DTNA: variants seen among roughly 807,000 people sequenced by gnomAD.
DTNA encodes the protein dystrophin-related protein 3.
A neutral mutation model predicts 100.7 loss-of-function variants in DTNA; 43 were observed. The observed-to-expected ratio is 0.43, with a 90% confidence interval of 0.33 to 0.55. DTNA has a LOEUF of 0.55. Among genes scored for constraint, DTNA ranks in the 20% least tolerant of loss-of-function variants. The pLI is 0.04. For missense variants in DTNA, 798 were observed against 953.9 expected (o/e 0.84, Z 2.15); for synonymous variants, 349 against 347.9 (o/e 1.00, Z -0.04).
At chr18:34,602,949 A>T (rs2052242271) in intron 1 of DTNA, among the ~76,000 whole-genome samples, 1 of 151,486 alleles carries the variant, frequency 6.6e-6, no homozygotes, top group Non-Finnish European at 1.5e-5. Flanking sequence ...GTTGCAGTGA[A>T]CCGAGATCAC....
rs1043904762 is a variant in DTNA, at chr18:34,529,259, T to A, written c.-2+35745T>A. ...GCTCTGCCTTTTATCCTAGTAAATA[T>A]CATGGTATAACTTATTTATTATTAG... On this transcript the variant is annotated intron_variant, in intron 1 of 19. Coordinates refer to the DTNA transcript ENST00000283365. 5.3e-5 allele frequency among the ~76,000 whole-genome samples: 8 copies of A among 152,136 alleles called. No homozygotes were observed. The South Asian group carries it at 1.7e-3, about 31-fold the overall frequency.
chr18:34,513,306 A>G (rs531400516), intron 1 of DTNA, among the ~76,000 whole-genome samples: 1 of 152,312 alleles, frequency 6.6e-6, no homozygotes, highest in East Asian at 1.9e-4. Flanking sequence ...TAAACTTGAC[A>G]TAGAATAGTT....
At chr18:34,674,356 C>A (rs1254179170) in intron 1 of DTNA, among the ~76,000 whole-genome samples, 1 of 152,192 alleles carries the variant, frequency 6.6e-6, no homozygotes, top group Admixed American at 6.5e-5. Flanking sequence ...GACCTTCCTG[C>A]CTCTCATACT....
intron 1 of DTNA, among the ~76,000 whole-genome samples, chr18:34,538,547 C>T (rs1263803800): frequency 6.6e-6 from 1 of 151,848 alleles, no homozygotes; most frequent in Non-Finnish European, 1.5e-5. Flanking sequence ...TCTCATGGAG[C>T]GTTATGACCT....
At chr18:34,567,912 A>G (rs568166664) in intron 1 of DTNA, among the ~76,000 whole-genome samples, 2 of 152,326 alleles carry the variant, frequency 1.3e-5, no homozygotes, top group South Asian at 4.1e-4. Flanking sequence ...ACTATCAAGT[A>G]TGTTATTCTG....
intron 1 of DTNA, among the ~76,000 whole-genome samples, chr18:34,751,929 T>C (rs1291951617): frequency 6.6e-6 from 1 of 152,220 alleles, no homozygotes; most frequent in African/African-American, 2.4e-5. Flanking sequence ...AAATATTGCT[T>C]AAGTAAATGA....
intron 1 of DTNA, among the ~76,000 whole-genome samples, chr18:34,671,213 G>A (rs560983960): frequency 5.3e-5 from 8 of 152,180 alleles, no homozygotes; most frequent in African/African-American, 7.2e-5. Context: ...TGGGTGGGGC[G>A]TGAGACCCTC....
intron 14 of DTNA, among the ~76,000 whole-genome samples, chr18:34,848,623 C>T (rs528462567): frequency 7.9e-5 from 12 of 152,084 alleles, no homozygotes; most frequent in African/African-American, 2.4e-4. Flanking sequence ...CTGGAATCCT[C>T]GCATCCCCCT....
chr18:34,690,917 A>G (rs527391632), intron 1 of DTNA, among the ~76,000 whole-genome samples: 1 of 152,272 alleles, frequency 6.6e-6, no homozygotes, highest in East Asian at 1.9e-4. Context: ...TAACATAGGC[A>G]CTATTTTTAT....
At chr18:34,841,126 G>A (rs2096260714) in intron 13 of DTNA, among the ~76,000 whole-genome samples, 1 of 152,030 alleles carries the variant, frequency 6.6e-6, no homozygotes, top group South Asian at 2.1e-4. Flanking sequence ...CCCTTTTATA[G>A]ACAAGTAAAG....
chr18:34,730,101 A>G (rs564727545), intron 1 of DTNA, among the ~76,000 whole-genome samples: 2 of 152,146 alleles, frequency 1.3e-5, no homozygotes, highest in Non-Finnish European at 2.9e-5. Context: ...TCCGAAGCCT[A>G]CAGGATGTAC....
chr18:34,505,624 C>A (rs996209331), intron 1 of DTNA, among the ~76,000 whole-genome samples: 1 of 151,962 alleles, frequency 6.6e-6, no homozygotes, highest in Non-Finnish European at 1.5e-5. Flanking sequence ...GCTCTTGAGC[C>A]CACCCACTGA....
rs571172677 is a variant in DTNA, at chr18:34,638,399, G to A, written c.-1-117577G>A. Among the ~76,000 whole-genome samples the A allele has an allele frequency of 2.5e-3, 385 of 152,284 alleles. 6 individuals are homozygous for A. In the South Asian group the frequency reaches 0.04, roughly 16 times the overall value. On this transcript the variant is annotated intron_variant, in intron 1 of 19. Transcript: ENST00000283365. Reference sequence around the variant, plus strand: ...GTTATAGAAGAGGAAACTGAGATACGATATTTAACTAATTTACCTGTCTGG... The same window carrying A: ...GTTATAGAAGAGGAAACTGAGATACAATATTTAACTAATTTACCTGTCTGG...
At chr18:34,498,898 A>C (rs183866324) in intron 1 of DTNA, among the ~76,000 whole-genome samples, 12 of 152,354 alleles carry the variant, frequency 7.9e-5, no homozygotes. Flanking sequence ...ATATTCAATC[A>C]ATACTTTTAA....
chr18:34,606,465 C>T (rs572669939), intron 1 of DTNA, among the ~76,000 whole-genome samples: 44 of 152,232 alleles, frequency 2.9e-4, no homozygotes, highest in Admixed American at 5.9e-4. Context: ...ATCAAAATGA[C>T]ACTATCAATA....
chr18:34,733,195 T>C (rs900401003), intron 1 of DTNA, among the ~76,000 whole-genome samples: 2 of 152,098 alleles, frequency 1.3e-5, no homozygotes, highest in Non-Finnish European at 2.9e-5. Flanking sequence ...GTGGGGTCTT[T>C]CCTCAAAAGG....
chr18:34,788,579 C>T (rs904503421), intron 3 of DTNA, among the ~76,000 whole-genome samples: 6 of 152,186 alleles, frequency 3.9e-5, no homozygotes, highest in African/African-American at 1.4e-4. Flanking sequence ...CTGCACTATG[C>T]TTACACCTCC....
Position 34,889,624 on chromosome 18 carries a change from T to C in DTNA, c.*1890T>C. 3.0e-6 allele frequency: 3 copies of C among 985,610 alleles called. No homozygotes were observed. The highest frequency in any genetic ancestry group is 1.7e-5 in the African/African-American group (1 of 57,346). The allele number at this position is 985,610 out of a possible 1,614,324, so 61.1% of individuals were successfully genotyped here. ...AGAGGGCGGCTGTACGATGTTCACATGTCTGCGTTTGGTCAGACATCATCT... is the reference window on the plus strand; with the variant it reads ...AGAGGGCGGCTGTACGATGTTCACACGTCTGCGTTTGGTCAGACATCATCT... On this transcript the variant is annotated 3_prime_UTR_variant, in exon 23 of 23. Transcript: ENST00000444659.
At chr18:34,570,829 G>C (rs936138198) in intron 1 of DTNA, among the ~76,000 whole-genome samples, 3 of 152,136 alleles carry the variant, frequency 2.0e-5, no homozygotes, top group Admixed American at 1.3e-4. Flanking sequence ...CTCTATGTAA[G>C]GCAGAGCTAC....
Sources: gnomAD v4.1 joint callset for allele counts (sites outside exome capture counted in the v4.1 genomes callset) on GRCh38, gnomAD v4.1.1 for gene constraint, MANE v1.5 for transcripts, NCBI Gene and HGNC (gene_info 2026-07-23, HGNC 2026-07-21) for gene names.